Variants in EYS observed in about 807,000 individuals in gnomAD.
EYS encodes the protein protein eyes shut homolog.
EYS carries 250 observed loss-of-function variants against 282.1 expected under a neutral mutation model. The observed-to-expected ratio is 0.89, with a 90% CI of 0.80 to 0.98. The LOEUF (loss-of-function observed/expected upper bound fraction) is 0.98. Among genes scored for constraint, EYS ranks in the 50% least tolerant of loss-of-function variants. The probability of loss-of-function intolerance (pLI) is 0.00; values close to 1 mark genes in which losing one functional copy is unlikely to be tolerated. For synonymous variants in EYS, 1,355 were observed against 1,282.9 expected, an observed-to-expected ratio of 1.06 and a Z score of -1.20; for missense variants, 4,016 against 3,709.0, an observed-to-expected ratio of 1.08 and a Z score of -2.15.
chr6:64,560,500 A>G (rs545143037), intron 26 of EYS, among the ~76,000 whole-genome samples: 1 of 152,200 alleles, frequency 6.6e-6, no homozygotes, highest in African/African-American at 2.4e-5. Flanking sequence ...ATACACTTTC[A>G]ATTCGCTTAT....
intron 13 of EYS, among the ~76,000 whole-genome samples, chr6:64,999,212 G>T (rs1048974623): frequency 6.6e-6 from 1 of 152,052 alleles, no homozygotes; most frequent in African/African-American, 2.4e-5. Context: ...AAGGGAAATC[G>T]GATACTGCAA....
chr6:65,412,094 A>G lies in EYS; in HGVS notation c.863-6727T>C, dbSNP rs116235266. On this transcript the variant is annotated intron_variant, in intron 5 of 42. Coordinates refer to ENST00000503581, the MANE Select transcript of EYS (RefSeq NM_001142800.2). ...CCTTATAATAATCAGATAGCTTGCT[A>G]TCCCTCTCTCAGCTCTTTACCATGT... 4.6e-3 allele frequency among the ~76,000 whole-genome samples: 704 copies of G among 152,244 alleles called. 6 individuals are homozygous for G. Among genetic ancestry groups the G allele is most frequent in the African/African-American group, 0.016 (670 of 41,564 alleles).
intron 11 of EYS, among the ~76,000 whole-genome samples, chr6:65,300,131 T>C (rs541397516): frequency 6.6e-6 from 1 of 152,312 alleles, no homozygotes; most frequent in Non-Finnish European, 1.5e-5. Context: ...TACTTCCCCA[T>C]GTCCCTCAAT....
At chr6:65,081,613 A>C (rs1774232358) in intron 12 of EYS, among the ~76,000 whole-genome samples, 2 of 152,198 alleles carry the variant, frequency 1.3e-5, no homozygotes, top group African/African-American at 4.8e-5. Flanking sequence ...ATTTCACTTA[A>C]AGAGAATTTT....
chr6:65,053,123 T>C (rs1163445160), intron 13 of EYS, among the ~76,000 whole-genome samples: 5 of 151,810 alleles, frequency 3.3e-5, no homozygotes, highest in African/African-American at 4.8e-5. Flanking sequence ...ATTGTTCCCA[T>C]AAATGGACTA....
chr6:64,015,896 A>G lies in EYS; in HGVS notation c.6726-16713T>C, dbSNP rs140996330. On this transcript the variant is annotated intron_variant, in intron 33 of 42. Coordinates refer to ENST00000503581, the MANE Select transcript of EYS (RefSeq NM_001142800.2). ...AATGCCAGGATGAGTTTACACATAG[A>G]ACACAAGCTGGGACTTCTTGGTTTC... Among the ~76,000 whole-genome samples, 7 of 152,336 alleles carry G rather than the reference A, an allele frequency of 4.6e-5. No homozygotes were observed. The East Asian group carries it at 1.4e-3, about 29-fold the overall frequency.
intron 12 of EYS, among the ~76,000 whole-genome samples, chr6:65,137,752 G>A (rs1203983490): frequency 1.3e-5 from 2 of 150,594 alleles, no homozygotes; most frequent in African/African-American, 2.5e-5. Flanking sequence ...TGTATTGAAA[G>A]AGAGGAAGGA....
intron 12 of EYS, among the ~76,000 whole-genome samples, chr6:65,222,443 C>T (rs1377627716): frequency 6.6e-6 from 1 of 152,172 alleles, no homozygotes; most frequent in African/African-American, 2.4e-5. Context: ...TCATGTAAGA[C>T]ATCCCTTCGC....
At chr6:64,275,673 C>T (rs1421077804) in intron 30 of EYS, among the ~76,000 whole-genome samples, 3 of 151,464 alleles carry the variant, frequency 2.0e-5, no homozygotes, top group African/African-American at 7.3e-5. Flanking sequence ...GCCTTATTAC[C>T]TGGCCAGGCG....
rs1050550429 is a variant in EYS, at chr6:64,890,053, C to G, written c.2847-3211G>C. On this transcript the variant is annotated intron_variant, in intron 18 of 42. Coordinates refer to ENST00000503581, the MANE Select transcript of EYS (RefSeq NM_001142800.2). ...GGTATAGGCCTATAAATGCCCCCCC[C>G]CCCCAAGGTGTGCCCATCTCTTATG... is the stretch of plus-strand genomic sequence containing the variant. 1.0e-3 allele frequency among the ~76,000 whole-genome samples: 150 copies of G among 149,762 alleles called. 7 individuals are homozygous for G. The highest frequency in any genetic ancestry group is 3.6e-3 in the African/African-American group (145 of 40,586).
At chr6:64,748,702 G>A (rs1165370747) in intron 22 of EYS, among the ~76,000 whole-genome samples, 3 of 152,210 alleles carry the variant, frequency 2.0e-5, no homozygotes, top group Non-Finnish European at 4.4e-5. Flanking sequence ...GGCTTGGGAA[G>A]AGGAGATCAA....
At chr6:64,555,193 A>T (rs556150459) in intron 26 of EYS, among the ~76,000 whole-genome samples, 5 of 151,938 alleles carry the variant, frequency 3.3e-5, no homozygotes, top group South Asian at 2.1e-4. Flanking sequence ...CACCACTTAT[A>T]AAGAAGGGAA....
chr6:65,037,480 A>G (rs899595524), intron 13 of EYS, among the ~76,000 whole-genome samples: 4 of 151,856 alleles, frequency 2.6e-5, no homozygotes, highest in Non-Finnish European at 5.9e-5. Context: ...AACTGGAAAG[A>G]AAAAAGACCT....
chr6:64,140,651 C>T (rs949814558), intron 31 of EYS, among the ~76,000 whole-genome samples: 16 of 152,142 alleles, frequency 1.1e-4, no homozygotes, highest in African/African-American at 3.6e-4. Flanking sequence ...AGGTTGGATT[C>T]CCATATGGAA....
intron 22 of EYS, among the ~76,000 whole-genome samples, chr6:64,667,474 TTAAA>T (rs1769273421): frequency 1.3e-5 from 2 of 151,668 alleles, no homozygotes; most frequent in Admixed American, 6.6e-5. Context: ...GGACATTCTG[TTAAA>T]TAGTTATTTT....
chr6:65,453,406 G>A (rs1764478764), intron 5 of EYS, among the ~76,000 whole-genome samples: 1 of 151,954 alleles, frequency 6.6e-6, no homozygotes, highest in Non-Finnish European at 1.5e-5. Context: ...TTGACACATT[G>A]TAATTGTACA....
chr6:65,542,433 A>AT (rs1275832344), intron 2 of EYS, among the ~76,000 whole-genome samples: 1 of 151,492 alleles, frequency 6.6e-6, no homozygotes, highest in African/African-American at 2.4e-5. Context: ...TCATATGGAG[A>AT]TTTTTCAAAA....
At chr6:65,113,706 C>T (rs1310967268) in intron 12 of EYS, among the ~76,000 whole-genome samples, 1 of 143,224 alleles carries the variant, frequency 7.0e-6, no homozygotes, top group Non-Finnish European at 1.5e-5. Context: ...CATCTTTTAG[C>T]TGTGTAGGGA....
In EYS at chr6:64,997,707, G is replaced by A; in HGVS notation, c.2138-4C>T. The A allele has an allele frequency of 1.3e-6, 2 of 1,550,082 alleles. No homozygotes were observed. The highest frequency in any genetic ancestry group is 1.2e-5 in the South Asian group (1 of 83,882). The stretch of plus-strand genomic sequence containing the variant: ...AAGCAGGAAAAGCCATCAACCACTG[G>A]AAACAACAGAAAAGAGAAAACTCTT... On this transcript the variant is annotated splice_polypyrimidine_tract_variant and splice_region_variant and intron_variant, in intron 13 of 42. Transcript: ENST00000503581.
Sources: gnomAD v4.1 joint callset for allele counts (sites outside exome capture counted in the v4.1 genomes callset) on GRCh38, gnomAD v4.1.1 for gene constraint, MANE v1.5 for transcripts, NCBI Gene and HGNC (gene_info 2026-07-23, HGNC 2026-07-21) for gene names.